The following DAB1 variants were observed in gnomAD, a reference collection of about 807,000 sequenced individuals.
DAB1 encodes the protein DAB adaptor protein 1, also known as disabled homolog 1.
A neutral mutation model predicts 64.6 loss-of-function variants in DAB1; 15 were observed. The ratio of observed to expected loss-of-function variants is 0.23; its 90% CI spans 0.16 to 0.36. The LOEUF (loss-of-function observed/expected upper bound fraction) is 0.36. Among genes scored for constraint, DAB1 ranks in the 10% least tolerant of loss-of-function variants. The pLI is 1.00. For synonymous variants in DAB1, 235 were observed against 251.9 expected (o/e 0.93, Z 0.64); for missense variants, 596 against 706.7 (o/e 0.84, Z 1.78).
In DAB1 at chr1:58,214,797, T is replaced by C. The variant is rs1298526576; in HGVS notation, n.310-64209A>G. On this transcript the variant is annotated intron_variant and non_coding_transcript_variant, in intron 4 of 20. Coordinates refer to the DAB1 transcript ENST00000485760. ...ATCAAGGCTAAGCTTTTGACTAAGA[T>C]CACCATTTCCAGACAAGCAAATCTA... Among the ~76,000 whole-genome samples, 4 of 152,178 alleles carry C rather than the reference T, an allele frequency of 2.6e-5. No homozygotes were observed. The East Asian group carries it at 5.8e-4, about 22-fold the overall frequency.
intron 4 of DAB1, among the ~76,000 whole-genome samples, chr1:58,264,404 T>C (rs1383804856): frequency 2.6e-5 from 4 of 152,220 alleles, no homozygotes; most frequent in African/African-American, 9.6e-5. Context: ...CATAAATAGA[T>C]ATAGCCATCT....
At chr1:58,118,469 CAT>C (rs370100684) in intron 5 of DAB1, among the ~76,000 whole-genome samples, 277 of 22,024 alleles carry the variant, frequency 0.013, 14 homozygotes, top group East Asian at 0.097. Context: ...TATCCTAAGG[CAT>C]ATATATATAT....
intron 2 of DAB1, among the ~76,000 whole-genome samples, chr1:57,159,414 G>A (rs1333342871): frequency 6.6e-6 from 1 of 152,128 alleles, no homozygotes; most frequent in Admixed American, 6.6e-5. Context: ...TATATCCCTG[G>A]TGGTGGTTCC....
intron 5 of DAB1, among the ~76,000 whole-genome samples, chr1:57,902,068 G>C (rs2101996264): frequency 6.6e-6 from 1 of 151,036 alleles, no homozygotes; most frequent in South Asian, 2.1e-4. Flanking sequence ...GGGGTGGGAG[G>C]ATCACTTGAG....
Position 58,036,259 on chromosome 1 carries a change from C to T in DAB1, n.387+114252G>A, listed in dbSNP as rs114150307. On this transcript the variant is annotated intron_variant and non_coding_transcript_variant, in intron 5 of 20. Coordinates refer to the DAB1 transcript ENST00000485760. ...CCGTGAATGTGGAACAATTATTAGC[C>T]CTCCTTTACAGAAGATGAAACTGAG... Among the ~76,000 whole-genome samples, 759 of 152,254 alleles carry T rather than the reference C, an allele frequency of 5.0e-3. 8 individuals carry two copies. Among genetic ancestry groups the T allele is most frequent in the African/African-American group, 0.017 (725 of 41,540 alleles).
chr1:57,015,099 T>C lies in DAB1; in HGVS notation c.1228A>G (p.Met410Val), dbSNP rs1413172823. 1.2e-6 allele frequency: 2 copies of C among 1,614,168 alleles called. No homozygotes were observed. The highest frequency in any genetic ancestry group is 1.7e-6 in the Non-Finnish European group (2 of 1,180,040). Residue 410 changes from methionine to valine, a missense_variant, in exon 12 of 15, where the codon ATG becomes GTG. By Grantham distance (21) the Met-to-Val change is conservative (BLOSUM62 1). Coordinates refer to ENST00000371236, the MANE Select transcript of DAB1 (RefSeq NM_001365792.1). Reference protein sequence around the residue: ...SPQTDKPRQKMGKETFKDFQM... With the variant: ...SPQTDKPRQKVGKETFKDFQM... ...AAATCCTTAAACGTTTCTTTGCCCATTTTCTGCCTGGGCTTGTCGGTCTGT... is the reference window on the plus strand; with the variant it reads ...AAATCCTTAAACGTTTCTTTGCCCACTTTCTGCCTGGGCTTGTCGGTCTGT...
chr1:57,232,284 C>CTTTTTTTTTTTTTT lies in DAB1; in HGVS notation c.67+58666_67+58679dup, dbSNP rs74940041. Among the ~76,000 whole-genome samples, 3 of 81,734 alleles carry CTTTTTTTTTTTTTT rather than the reference C, an allele frequency of 3.7e-5. 1 individual carries two copies. Among genetic ancestry groups the CTTTTTTTTTTTTTT allele is most frequent in the African/African-American group, 9.4e-5 (2 of 21,306 alleles). 53.6% of individuals were successfully genotyped at this position (81,734 alleles called of 152,430 possible). ...TACCACTTCTCAAAGGCAGTGGCCA[C>CTTTTTTTTTTTTTT]TTTTTTTTTTTTTTTTTTTTTGCAC... On this transcript the variant is annotated intron_variant, in intron 2 of 14. Transcript: ENST00000371236.
chr1:58,129,757 G>A (rs1391252211), intron 5 of DAB1, among the ~76,000 whole-genome samples: 8 of 151,612 alleles, frequency 5.3e-5, no homozygotes, highest in Admixed American at 5.3e-4. Context: ...TTTCCATGTA[G>A]TTGAGCGGCT....
intron 7 of DAB1, among the ~76,000 whole-genome samples, chr1:57,623,146 G>GA (rs1645881950): frequency 1.3e-5 from 2 of 152,298 alleles, no homozygotes; most frequent in South Asian, 4.2e-4. Flanking sequence ...AAACGAGCCT[G>GA]CTGTTCTGAT....
intron 3 of DAB1, among the ~76,000 whole-genome samples, chr1:58,350,249 G>A (rs1029570565): frequency 6.6e-6 from 1 of 152,116 alleles, no homozygotes; most frequent in African/African-American, 2.4e-5. Flanking sequence ...CTGCATAAAT[G>A]TCCTCTTTTG....
At chr1:57,609,116 A>G (rs1645694967) in intron 7 of DAB1, among the ~76,000 whole-genome samples, 1 of 152,156 alleles carries the variant, frequency 6.6e-6, no homozygotes, top group African/African-American at 2.4e-5. Context: ...GCATGGCCCC[A>G]ATAGGCATTT....
intron 7 of DAB1, among the ~76,000 whole-genome samples, chr1:57,441,274 C>CT (rs1558383658): frequency 1.1e-4 from 3 of 26,288 alleles, no homozygotes; most frequent in African/African-American, 1.9e-4. Flanking sequence ...CTTTCTTTCT[C>CT]TTTCTTTCTT....
intron 5 of DAB1, among the ~76,000 whole-genome samples, chr1:58,140,283 C>T (rs922612451): frequency 5.9e-5 from 9 of 152,172 alleles, no homozygotes; most frequent in Admixed American, 2.0e-4. Flanking sequence ...ACAACTCTCT[C>T]CTTGGCACTG....
In DAB1 at chr1:57,532,220, G is replaced by T. The variant is rs1227797638; in HGVS notation, n.625+117372C>A. ...CTCTGGGCTTAGGGACAGGGTTGGG[G>T]GAGGAGTGATAATGGTGTGGGCGTG... On this transcript the variant is annotated intron_variant and non_coding_transcript_variant, in intron 7 of 20. Coordinates refer to the DAB1 transcript ENST00000485760. Among the ~76,000 whole-genome samples, 7 of 148,968 alleles carry T rather than the reference G, an allele frequency of 4.7e-5. No homozygotes were observed. In the South Asian group the frequency reaches 1.6e-3, roughly 33 times the overall value.
chr1:57,190,873 T>C (rs1368540096), intron 2 of DAB1, among the ~76,000 whole-genome samples: 37 of 152,200 alleles, frequency 2.4e-4, no homozygotes, highest in Non-Finnish European at 1.5e-5. Flanking sequence ...GATTTAGGAA[T>C]ACTTCAGACT....
chr1:58,536,458 C>G (rs1396019630), intron 1 of DAB1: 1 of 759,884 alleles, frequency 1.3e-6, no homozygotes, highest in Admixed American at 2.2e-5. Flanking sequence ...AAGATACTTT[C>G]CTACTTTGAG....
At chr1:58,411,810 G>A (rs759538244) in intron 3 of DAB1, among the ~76,000 whole-genome samples, 1 of 152,128 alleles carries the variant, frequency 6.6e-6, no homozygotes, top group East Asian at 1.9e-4. Flanking sequence ...TCTGCAAGTT[G>A]GCCCTAATTT....
chr1:57,491,427 C>CA (rs1330794968), intron 7 of DAB1, among the ~76,000 whole-genome samples: 4 of 150,678 alleles, frequency 2.7e-5, no homozygotes, highest in Admixed American at 6.6e-5. Flanking sequence ...GACTCCATCT[C>CA]AAAAAAATAA....
chr1:57,998,747 C>A (rs1646465870), intron 5 of DAB1, among the ~76,000 whole-genome samples: 1 of 152,190 alleles, frequency 6.6e-6, no homozygotes, highest in African/African-American at 2.4e-5. Context: ...TATTGCCTGG[C>A]ACATAGTAGA....
Sources: allele counts gnomAD v4.1 joint callset (sites outside exome capture counted in the v4.1 genomes callset), GRCh38; gene constraint gnomAD v4.1.1; transcripts MANE v1.5; gene names NCBI Gene and HGNC (gene_info 2026-07-23, HGNC 2026-07-21).